Variants in DSCAML1 observed in about 807,000 individuals in gnomAD.
DSCAML1 encodes the protein cell adhesion molecule DSCAML1.
DSCAML1 carries 38 observed loss-of-function variants against 200.5 expected under a neutral mutation model. That is an observed-to-expected ratio of 0.19 (90% CI 0.15 to 0.25). The LOEUF (loss-of-function observed/expected upper bound fraction) is 0.25, where lower values mean the gene tolerates loss of function less well. Among genes scored for constraint, DSCAML1 ranks in the 10% least tolerant of loss-of-function variants. DSCAML1 has a pLI of 1.00. For synonymous variants in DSCAML1, 1,215 were observed against 1,165.0 expected (o/e 1.04, Z -0.87); for missense variants, 2,223 against 2,858.8 (o/e 0.78, Z 5.07).
At chr11:117,578,278 T>G (rs995010462) in intron 3 of DSCAML1, among the ~76,000 whole-genome samples, 1 of 150,068 alleles carries the variant, frequency 6.7e-6, no homozygotes, top group African/African-American at 2.5e-5. Flanking sequence ...TGAACTTCTC[T>G]TGGCTTCCAT....
intron 3 of DSCAML1, among the ~76,000 whole-genome samples, chr11:117,636,144 G>A (rs2052277452): frequency 6.6e-6 from 1 of 152,168 alleles, no homozygotes; most frequent in African/African-American, 2.4e-5. Context: ...AAATAGGGAA[G>A]GTTCGTAAGA....
chr11:117,712,465 G>A (rs144072429), intron 3 of DSCAML1, among the ~76,000 whole-genome samples: 3 of 152,146 alleles, frequency 2.0e-5, no homozygotes, highest in East Asian at 1.9e-4. Flanking sequence ...ATAGAAATCC[G>A]GTTTCCCTGG....
intron 11 of DSCAML1, among the ~76,000 whole-genome samples, chr11:117,502,337 C>T (rs1331040354): frequency 6.6e-6 from 1 of 152,216 alleles, no homozygotes; most frequent in Non-Finnish European, 1.5e-5. Context: ...CAAAGAACAA[C>T]AACAGCGAAA....
chr11:117,541,355 G>T (rs2050265226), intron 3 of DSCAML1, among the ~76,000 whole-genome samples: 1 of 152,158 alleles, frequency 6.6e-6, no homozygotes, highest in Non-Finnish European at 1.5e-5. Flanking sequence ...AGTTATTTTG[G>T]TTCACCCTGT....
At chr11:117,700,220 G>A (rs1442778563) in intron 3 of DSCAML1, among the ~76,000 whole-genome samples, 1 of 152,204 alleles carries the variant, frequency 6.6e-6, no homozygotes, top group Admixed American at 6.5e-5. Context: ...GCTCTACAAT[G>A]TTCCTAAATC....
At chr11:117,455,410 C>A (rs1486079643) in intron 19 of DSCAML1, among the ~76,000 whole-genome samples, 1 of 152,204 alleles carries the variant, frequency 6.6e-6, no homozygotes, top group Admixed American at 6.5e-5. Flanking sequence ...AGTCATGCCT[C>A]TTCCTCAGTT....
chr11:117,497,140 C>A (rs925745702), intron 11 of DSCAML1, among the ~76,000 whole-genome samples: 1 of 152,192 alleles, frequency 6.6e-6, no homozygotes, highest in African/African-American at 2.4e-5. Flanking sequence ...ACTTGTTGAG[C>A]TCTAGTCATG....
chr11:117,561,113 T>A, intron 3 of DSCAML1, among the ~76,000 whole-genome samples: 1 of 152,174 alleles, frequency 6.6e-6, no homozygotes, highest in East Asian at 1.9e-4. Flanking sequence ...TTGGTGAACA[T>A]GTCTGTGCCT....
At chr11:117,743,846 C>T (rs2054467588) in intron 3 of DSCAML1, among the ~76,000 whole-genome samples, 2 of 152,220 alleles carry the variant, frequency 1.3e-5, no homozygotes, top group African/African-American at 2.4e-5. Context: ...ACATTCCCGC[C>T]GCCATGGGGA....
chr11:117,640,251 G>A (rs558535990), intron 3 of DSCAML1, among the ~76,000 whole-genome samples: 1 of 152,322 alleles, frequency 6.6e-6, no homozygotes, highest in East Asian at 1.9e-4. Flanking sequence ...CATGGACCAA[G>A]GGCTCTGTGT....
At chr11:117,800,234 G>T (rs1760282647), upstream of DSCAML1, among the ~76,000 whole-genome samples, 1 of 152,204 alleles carries the variant, frequency 6.6e-6, no homozygotes, top group Admixed American at 6.5e-5. Context: ...AAGCCAGCAT[G>T]CCAGGAAATC....
At chr11:117,492,663 T>G (rs978574474) in intron 11 of DSCAML1, among the ~76,000 whole-genome samples, 2 of 152,146 alleles carry the variant, frequency 1.3e-5, no homozygotes, top group Non-Finnish European at 2.9e-5. Context: ...GCTGCAGTGC[T>G]GTTTGGCGGT....
intron 1 of DSCAML1, among the ~76,000 whole-genome samples, chr11:117,785,390 G>C (rs2055332475): frequency 6.6e-6 from 1 of 152,140 alleles, no homozygotes. Flanking sequence ...GGGGTGACAA[G>C]GGGGGGCACT....
intron 14 of DSCAML1, among the ~76,000 whole-genome samples, chr11:117,473,075 C>A (rs992729588): frequency 1.3e-5 from 2 of 152,230 alleles, no homozygotes; most frequent in Non-Finnish European, 2.9e-5. Context: ...TTTAAACCCA[C>A]AGTAGAGTAT....
chr11:117,684,442 A>C (rs1471646030), intron 3 of DSCAML1, among the ~76,000 whole-genome samples: 1 of 148,522 alleles, frequency 6.7e-6, no homozygotes, highest in Non-Finnish European at 1.5e-5. Context: ...AACTAAAAAA[A>C]AAAAAAAAAA....
intron 3 of DSCAML1, among the ~76,000 whole-genome samples, chr11:117,714,992 C>A (rs2053925464): frequency 6.6e-6 from 1 of 151,964 alleles, no homozygotes; most frequent in South Asian, 2.1e-4. Context: ...GGCCATCAGA[C>A]CCAAACCAAC....
At chr11:117,720,832 T>C (rs2054030727) in intron 3 of DSCAML1, among the ~76,000 whole-genome samples, 1 of 152,264 alleles carries the variant, frequency 6.6e-6, no homozygotes, top group African/African-American at 2.4e-5. Flanking sequence ...AATAAGTGCT[T>C]AATAAATGGC....
chr11:117,559,389 C>T (rs1591264877), intron 3 of DSCAML1, among the ~76,000 whole-genome samples: 1 of 152,204 alleles, frequency 6.6e-6, no homozygotes, highest in African/African-American at 2.4e-5. Flanking sequence ...TCGTAACCAA[C>T]TGCAAATTTA....
At chr11:117,432,545 G>C (rs756022690) in intron 29 of DSCAML1, 41 bp from the exon 30 acceptor site, 2 of 1,582,242 alleles carry the variant, frequency 1.3e-6, no homozygotes, top group East Asian at 4.5e-5. Flanking sequence ...CTTTACAATT[G>C]TTTTTTAAAG....
Sources: gnomAD v4.1 joint callset for allele counts (sites outside exome capture counted in the v4.1 genomes callset) on GRCh38, gnomAD v4.1.1 for gene constraint, MANE v1.5 for transcripts, NCBI Gene and HGNC (gene_info 2026-07-23, HGNC 2026-07-21) for gene names.